Variants in ASPRV1 observed in about 807,000 individuals in gnomAD.
The protein encoded by ASPRV1 is retroviral-like aspartic protease 1.
Under a neutral mutation model 11.0 loss-of-function variants are expected in ASPRV1, and 7 were observed. The ratio of observed to expected loss-of-function variants is 0.64; its 90% CI spans 0.36 to 1.20. The LOEUF is 1.20. ASPRV1 is among the 50% of genes most tolerant of loss of function. The pLI, the probability that ASPRV1 is intolerant of heterozygous loss-of-function variation, is 0.02. For missense variants in ASPRV1, 299 were observed against 320.0 expected (o/e 0.93, Z 0.50); for synonymous variants, 136 against 138.4 (o/e 0.98, Z 0.12).
the ASPRV1 span, among the ~76,000 whole-genome samples, chr2:69,948,732 C>G: frequency 6.6e-6 from 1 of 152,172 alleles, no homozygotes; most frequent in East Asian, 1.9e-4. Flanking sequence ...GCCACCGGAC[C>G]CCACGGAAGC....
the ASPRV1 span, among the ~76,000 whole-genome samples, chr2:69,974,633 T>C: frequency 6.6e-6 from 1 of 152,168 alleles, no homozygotes; most frequent in Admixed American, 6.6e-5. Flanking sequence ...TTCAGATCTA[T>C]CAGCGAAACT....
chr2:70,082,698 G>A, the ASPRV1 span, among the ~76,000 whole-genome samples: 32 of 152,216 alleles, frequency 2.1e-4, no homozygotes, highest in Admixed American at 5.9e-4. Flanking sequence ...CAACAAGCGC[G>A]AAACTCTGTC....
At chr2:69,950,168 A>C in the ASPRV1 span, among the ~76,000 whole-genome samples, 3 of 152,208 alleles carry the variant, frequency 2.0e-5, no homozygotes, top group Admixed American at 2.0e-4. Context: ...TTTAATAGTT[A>C]TTATAAAGTA....
At chr2:70,033,101 T>C in the ASPRV1 span, among the ~76,000 whole-genome samples, 1 of 152,150 alleles carries the variant, frequency 6.6e-6, no homozygotes, top group Non-Finnish European at 1.5e-5. Flanking sequence ...CTTCCCAGAA[T>C]TTCTGCAAAT....
chr2:69,998,792 C>T, the ASPRV1 span, among the ~76,000 whole-genome samples: 1 of 152,144 alleles, frequency 6.6e-6, no homozygotes, highest in South Asian at 2.1e-4. Context: ...AGGAAAAGAT[C>T]CCCAGAGCTA....
chr2:69,973,215 T>C, the ASPRV1 span, among the ~76,000 whole-genome samples: 3 of 152,240 alleles, frequency 2.0e-5, no homozygotes, highest in Non-Finnish European at 4.4e-5. Flanking sequence ...AGTTGGGTCT[T>C]ACAGGATGCT....
the ASPRV1 span, chr2:69,938,765 C>T: frequency 6.4e-6 from 1 of 155,622 alleles, no homozygotes; most frequent in African/African-American, 2.4e-5. Context: ...CATTTAAGAG[C>T]ACTTAACCAT....
the ASPRV1 span, among the ~76,000 whole-genome samples, chr2:69,933,218 A>C: frequency 4.3e-3 from 656 of 151,338 alleles, 7 homozygotes; most frequent in African/African-American, 0.013. Context: ...AAAAAAAAAA[A>C]AAAAAACAAA....
chr2:69,998,653 C>T, the ASPRV1 span, among the ~76,000 whole-genome samples: 5 of 151,226 alleles, frequency 3.3e-5, no homozygotes, highest in African/African-American at 4.9e-5. Flanking sequence ...GGCGTGAACC[C>T]GGGAGGCGGA....
At chr2:69,950,668 C>T in the ASPRV1 span, among the ~76,000 whole-genome samples, 1 of 151,906 alleles carries the variant, frequency 6.6e-6, no homozygotes. Flanking sequence ...ATGGTGAAAA[C>T]CTCGCCTCTA....
At chr2:69,964,175 C>T (rs1678252988), upstream of ASPRV1, 1 of 319,238 alleles carries the variant, frequency 3.1e-6, no homozygotes, top group African/African-American at 2.2e-5. Flanking sequence ...TAACCTCCAC[C>T]CCTGCTTAGC....
the ASPRV1 span, among the ~76,000 whole-genome samples, chr2:70,084,229 A>G: frequency 6.6e-6 from 1 of 152,352 alleles, no homozygotes; most frequent in South Asian, 2.1e-4. Context: ...TTCTCTAGAG[A>G]AAAGAAATAA....
the ASPRV1 span, among the ~76,000 whole-genome samples, chr2:70,019,377 G>C: frequency 6.6e-6 from 1 of 152,106 alleles, no homozygotes; most frequent in African/African-American, 2.4e-5. Flanking sequence ...TTTAAAAGTA[G>C]AACTACCATA....
At chr2:70,076,756 A>C in the ASPRV1 span, among the ~76,000 whole-genome samples, 1 of 152,220 alleles carries the variant, frequency 6.6e-6, no homozygotes, top group Admixed American at 6.5e-5. Flanking sequence ...GTAATTTATT[A>C]AACACAGTAC....
At chr2:69,944,806 C>G in the ASPRV1 span, among the ~76,000 whole-genome samples, 2 of 151,888 alleles carry the variant, frequency 1.3e-5, no homozygotes, top group Admixed American at 6.6e-5. Flanking sequence ...GAAGGACCCC[C>G]CCTCCTCTAC....
At chr2:70,043,364 G>A in the ASPRV1 span, among the ~76,000 whole-genome samples, 1 of 152,196 alleles carries the variant, frequency 6.6e-6, no homozygotes, top group South Asian at 2.1e-4. Context: ...GTTGCAGTGA[G>A]CCAAGATTGC....
the ASPRV1 span, among the ~76,000 whole-genome samples, chr2:69,994,683 C>G: frequency 6.6e-6 from 1 of 152,108 alleles, no homozygotes; most frequent in African/African-American, 2.4e-5. Flanking sequence ...TGGGTCACAA[C>G]CAGCCTTTCT....
chr2:70,083,109 T>C, the ASPRV1 span, among the ~76,000 whole-genome samples: 1 of 152,106 alleles, frequency 6.6e-6, no homozygotes, highest in African/African-American at 2.4e-5. Flanking sequence ...TTAAGGTAAA[T>C]GCATTGGCTG....
the ASPRV1 span, among the ~76,000 whole-genome samples, chr2:70,024,405 C>T: frequency 1.3e-5 from 2 of 152,122 alleles, no homozygotes; most frequent in East Asian, 1.9e-4. Flanking sequence ...CCAGCCTGGG[C>T]CTGTCACTCT....
Sources: allele counts gnomAD v4.1 joint callset (sites outside exome capture counted in the v4.1 genomes callset), GRCh38; gene constraint gnomAD v4.1.1; transcripts MANE v1.5; gene names NCBI Gene and HGNC (gene_info 2026-07-23, HGNC 2026-07-21).